The following AOPEP variants were observed in gnomAD, a reference collection of about 807,000 sequenced individuals.
The protein encoded by AOPEP is aminopeptidase O.
A neutral mutation model predicts 98.1 loss-of-function variants in AOPEP; 77 were observed. The ratio of observed to expected loss-of-function variants is 0.78; its 90% CI spans 0.65 to 0.95. The LOEUF (loss-of-function observed/expected upper bound fraction) is 0.95, where lower values mean the gene tolerates loss of function less well. Among genes scored for constraint, AOPEP ranks in the 40% least tolerant of loss-of-function variants. The pLI, the probability that AOPEP is intolerant of heterozygous loss-of-function variation, is 0.00. For synonymous variants in AOPEP, 346 were observed against 365.3 expected, an observed-to-expected ratio of 0.95 and a Z score of 0.60; for missense variants, 1,024 against 1,024.7, an observed-to-expected ratio of 1.00 and a Z score of 0.01.
chr9:95,147,164 C>T, the AOPEP span, among the ~76,000 whole-genome samples: 1 of 152,032 alleles, frequency 6.6e-6, no homozygotes, highest in South Asian at 2.1e-4. Context: ...GAATGGATCA[C>T]TGGCTTTAAA....
intron 1 of AOPEP, among the ~76,000 whole-genome samples, chr9:94,737,175 G>C (rs895043492): frequency 2.6e-5 from 4 of 151,750 alleles, no homozygotes; most frequent in African/African-American, 7.3e-5. Context: ...TGCTATCCCA[G>C]CTGGAGTGCA....
intron 3 of AOPEP, among the ~76,000 whole-genome samples, chr9:94,788,573 A>C (rs1014092229): frequency 1.3e-5 from 2 of 151,648 alleles, no homozygotes; most frequent in Non-Finnish European, 2.9e-5. Context: ...GGAAGCTTGC[A>C]TGCAAGCATT....
At chr9:94,732,691 C>G (rs1786481068) in intron 1 of AOPEP, among the ~76,000 whole-genome samples, 1 of 152,186 alleles carries the variant, frequency 6.6e-6, no homozygotes, top group Non-Finnish European at 1.5e-5. Context: ...TGTTTAGGAT[C>G]TGGCACATCA....
At chr9:95,075,926 A>G (rs936154428) in intron 14 of AOPEP, among the ~76,000 whole-genome samples, 2 of 152,216 alleles carry the variant, frequency 1.3e-5, no homozygotes, top group African/African-American at 4.8e-5. Flanking sequence ...TAGAATGCCT[A>G]AGCTGCCCCG....
At chr9:94,726,893 TC>T in intron 1 of AOPEP, 142 bp downstream of exon 1, 1 of 152,700 alleles carries the variant, frequency 6.5e-6, no homozygotes, top group East Asian at 1.9e-4. Context: ...AGGACCCGCA[TC>T]CCCTCCTCAG....
chr9:94,823,459 C>T (rs1206268565), intron 5 of AOPEP, among the ~76,000 whole-genome samples: 1 of 152,164 alleles, frequency 6.6e-6, no homozygotes, highest in Non-Finnish European at 1.5e-5. Flanking sequence ...AACCACTTTT[C>T]CAGATTCTTT....
rs571326662 is a variant in AOPEP, at chr9:94,895,344, G to A, written c.1365-28642G>A. Among the ~76,000 whole-genome samples the A allele has an allele frequency of 1.5e-3, 224 of 149,598 alleles. 3 individuals carry two copies. In the South Asian group the frequency reaches 0.025, roughly 17 times the overall value. ...GAACCTGGAAAGTCAAGGCTAAAGT[G>A]AGCTGTGGTCATGCCACTGCACTCC... On this transcript the variant is annotated intron_variant, in intron 5 of 16. Transcript: ENST00000375315.
intron 7 of AOPEP, among the ~76,000 whole-genome samples, chr9:94,939,038 A>G (rs964930739): frequency 6.6e-6 from 1 of 152,174 alleles, no homozygotes; most frequent in Non-Finnish European, 1.5e-5. Flanking sequence ...TCACAAGGTC[A>G]GGAGTTCAAG....
intron 3 of AOPEP, among the ~76,000 whole-genome samples, chr9:94,777,672 T>C (rs1443450943): frequency 6.8e-6 from 1 of 147,278 alleles, no homozygotes; most frequent in African/African-American, 2.5e-5. Context: ...CTCATTCTAT[T>C]GTCCAGGCTG....
intron 9 of AOPEP, among the ~76,000 whole-genome samples, chr9:94,958,208 G>C (rs1487013041): frequency 1.3e-5 from 2 of 151,514 alleles, no homozygotes; most frequent in African/African-American, 4.9e-5. Context: ...CCATGTTGCA[G>C]CATGTACCAG....
chr9:95,090,172 C>A (rs961120826), downstream of AOPEP, among the ~76,000 whole-genome samples: 1 of 152,252 alleles, frequency 6.6e-6, no homozygotes, highest in African/African-American at 2.4e-5. Flanking sequence ...CCACTAGCAA[C>A]GTCACAGGGC....
At position 94,769,048 on chromosome 9, in the gene AOPEP, G is replaced by A. The variant is rs543142262; in HGVS notation, c.798-3954G>A. On this transcript the variant is annotated intron_variant, in intron 2 of 16. Coordinates refer to ENST00000375315, the MANE Select transcript of AOPEP (RefSeq NM_001193329.3). ...TGGAGGGGAAGGCATGGATGGGTAA[G>A]CAGGGAATTGGCCCTCCATATAGTT... Among the ~76,000 whole-genome samples, 23 of 152,336 alleles carry A rather than the reference G, an allele frequency of 1.5e-4. 1 individual carries two copies. The South Asian group carries it at 4.6e-3, about 30-fold the overall frequency.
chr9:95,020,388 A>G (rs2063346741), intron 13 of AOPEP, among the ~76,000 whole-genome samples: 1 of 152,172 alleles, frequency 6.6e-6, no homozygotes, highest in African/African-American at 2.4e-5. Flanking sequence ...TTCCTGGCTT[A>G]TTGAGGACTT....
the AOPEP span, chr9:95,111,112 C>T: frequency 5.9e-6 from 9 of 1,524,584 alleles, no homozygotes; most frequent in Middle Eastern, 2.3e-4. Context: ...GCTGCCGGCA[C>T]ACCCCTCAGA....
At chr9:95,128,005 C>A in the AOPEP span, among the ~76,000 whole-genome samples, 1 of 152,208 alleles carries the variant, frequency 6.6e-6, no homozygotes, top group Admixed American at 6.5e-5. Flanking sequence ...CTAAAAGGAA[C>A]CAACTTGATA....
chr9:95,046,187 A>C (rs189569803), intron 13 of AOPEP, among the ~76,000 whole-genome samples: 8 of 152,336 alleles, frequency 5.3e-5, no homozygotes, highest in South Asian at 2.1e-4. Context: ...GTTAGTGAGA[A>C]CTGCTTATCT....
chr9:94,793,048 C>G (rs1044716344), intron 4 of AOPEP, 130 bp downstream of exon 4: 2 of 1,076,878 alleles, frequency 1.9e-6, no homozygotes. Context: ...TAGGATTAAT[C>G]AAAGCAGGAA....
At chr9:94,811,134 G>A (rs1459317521) in intron 5 of AOPEP, among the ~76,000 whole-genome samples, 2 of 152,216 alleles carry the variant, frequency 1.3e-5, no homozygotes, top group African/African-American at 4.8e-5. Context: ...CTCAAACTGT[G>A]TTTTAGTTTA....
chr9:95,102,115 TAAAGGCCAC>T, the AOPEP span, among the ~76,000 whole-genome samples: 6 of 152,158 alleles, frequency 3.9e-5, 1 homozygote, highest in African/African-American at 1.2e-4. Flanking sequence ...CTTAGACTCA[TAAAGGCCAC>T]AAACAAGCGC....
Sources: gnomAD v4.1 joint callset for allele counts (sites outside exome capture counted in the v4.1 genomes callset) on GRCh38, gnomAD v4.1.1 for gene constraint, MANE v1.5 for transcripts, NCBI Gene and HGNC (gene_info 2026-07-23, HGNC 2026-07-21) for gene names.